DOCK1: variants seen among roughly 807,000 people sequenced by gnomAD.
DOCK1 encodes the protein dedicator of cytokinesis protein 1.
DOCK1 carries 138 observed loss-of-function variants against 262.7 expected under a neutral mutation model. The observed-to-expected ratio is 0.53, with a 90% CI of 0.46 to 0.61. The LOEUF (loss-of-function observed/expected upper bound fraction) is 0.61. Ranked by LOEUF, DOCK1 falls within the 20% of genes least tolerant of loss-of-function variation. The pLI, the probability that DOCK1 is intolerant of heterozygous loss-of-function variation, is 0.00. For missense variants in DOCK1, 1,908 were observed against 2,370.7 expected (o/e 0.80, Z 4.05); for synonymous variants, 866 against 867.4 (o/e 1.00, Z 0.03).
intron 13 of DOCK1, among the ~76,000 whole-genome samples, chr10:127,019,361 C>T (rs1318833985): frequency 3.9e-5 from 6 of 152,150 alleles, no homozygotes; most frequent in Non-Finnish European, 8.8e-5. Flanking sequence ...AAATAACGTT[C>T]CTAATAATCT....
At chr10:127,404,196 C>T (rs1188914823) in intron 39 of DOCK1, 129 bp from the exon 40 acceptor site, 1 of 652,808 alleles carries the variant, frequency 1.5e-6, no homozygotes, top group Non-Finnish European at 2.7e-6. Context: ...CCACCATCTC[C>T]CTCTCCCACC....
chr10:127,361,262 C>T (rs374457755), intron 32 of DOCK1, among the ~76,000 whole-genome samples: 30 of 151,808 alleles, frequency 2.0e-4, no homozygotes, highest in East Asian at 5.9e-4. Context: ...TACAGGCGCC[C>T]GCTACCACGC....
intron 27 of DOCK1, among the ~76,000 whole-genome samples, chr10:127,190,296 G>T (rs1362635562): frequency 6.6e-6 from 1 of 152,166 alleles, no homozygotes; most frequent in Non-Finnish European, 1.5e-5. Flanking sequence ...GTACTGTTCA[G>T]CCCTGGAAGC....
At chr10:127,031,778 T>G (rs1591745750) in intron 17 of DOCK1, 25 bp downstream of exon 17, 1 of 1,594,070 alleles carries the variant, frequency 6.3e-7, no homozygotes, top group East Asian at 2.2e-5. Context: ...TGGTGCAATA[T>G]TGCTGCTATA....
chr10:127,110,085 C>A (rs1042470281), intron 24 of DOCK1, among the ~76,000 whole-genome samples, 163 bp from the exon 25 acceptor site: 11 of 152,194 alleles, frequency 7.2e-5, no homozygotes, highest in Admixed American at 6.6e-4. Flanking sequence ...TTCAAAACAT[C>A]ATTTCTTGGA....
At chr10:127,045,872 C>T (rs2044316113) in intron 21 of DOCK1, among the ~76,000 whole-genome samples, 1 of 152,206 alleles carries the variant, frequency 6.6e-6, no homozygotes, top group Admixed American at 6.5e-5. Flanking sequence ...TGCTCCGCCC[C>T]CTCTAGCCAG....
rs2044828204 is a variant in DOCK1 at position 127,052,817 on chromosome 10, T to C, written c.2336+2T>C. ...GCGCTCCAGGATCCTGTTCAATCAG[T>C]GCGTACCTATCCCCTCCATGCCCGG... On this transcript the variant is annotated splice_donor_variant, in intron 22 of 51. Coordinates refer to ENST00000623213, the MANE Select transcript of DOCK1 (RefSeq NM_001290223.2). LOFTEE classifies it high-confidence loss of function. 4 of 1,609,478 alleles carry C rather than the reference T, an allele frequency of 2.5e-6. No homozygotes were observed. Among genetic ancestry groups the C allele is most frequent in the Non-Finnish European group, 2.5e-6 (3 of 1,177,558 alleles).
At position 127,032,222 on chromosome 10, in the gene DOCK1, C is replaced by A. The variant is rs756381755; in HGVS notation, c.1814C>A (p.Ala605Asp). The change falls in exon 18 of 52, where the codon GCC becomes GAC. Residue 605 changes from alanine to aspartate, a missense_variant. Around this residue, in one of 9 missense-constraint regions of DOCK1, gnomAD observed 294 missense variants for 439.9 expected, o/e 0.67. Transcript: ENST00000623213. ...KAELEEKGHSATGKSMQSLGS... is the reference protein window; with the variant it reads ...KAELEEKGHSDTGKSMQSLGS... ...GAGTTGGAAGAAAAGGGCCACTCGGCCACCGGCAAGAGCATGCAGAGCCTT... is the reference window on the plus strand; with the variant it reads ...GAGTTGGAAGAAAAGGGCCACTCGGACACCGGCAAGAGCATGCAGAGCCTT... 1 of 1,601,118 alleles carries A rather than the reference C, an allele frequency of 6.2e-7. No homozygotes were observed. Among genetic ancestry groups the A allele is most frequent in the Non-Finnish European group, 8.5e-7 (1 of 1,173,846 alleles).
chr10:127,258,774 C>T (rs575281751), intron 29 of DOCK1, among the ~76,000 whole-genome samples: 25 of 152,214 alleles, frequency 1.6e-4, no homozygotes, highest in Admixed American at 7.9e-4. Context: ...TCGGTTGCTC[C>T]GCATCCAGCC....
At chr10:127,351,543 CCCGGTGAGGATGG>C (rs539656281) in intron 31 of DOCK1, among the ~76,000 whole-genome samples, 2,361 of 152,208 alleles carry the variant, frequency 0.016, 22 homozygotes, top group African/African-American at 0.027. Context: ...TACTCTCCTT[CCCGGTGAGGATGG>C]CCATGTCATT....
chr10:127,378,450 G>C (rs1416655969), intron 35 of DOCK1, among the ~76,000 whole-genome samples: 1 of 152,152 alleles, frequency 6.6e-6, no homozygotes. Context: ...AGCCCAGGAG[G>C]AGTGGGAGCA....
intron 38 of DOCK1, chr10:127,402,617 T>C: frequency 2.0e-6 from 1 of 509,232 alleles, no homozygotes; most frequent in Non-Finnish European, 3.9e-6. Flanking sequence ...TAGCATTTTT[T>C]AGGTGGACAG....
At chr10:127,028,604 G>A (rs549547754) in intron 16 of DOCK1, among the ~76,000 whole-genome samples, 5 of 152,266 alleles carry the variant, frequency 3.3e-5, no homozygotes, top group Non-Finnish European at 5.9e-5. Context: ...GGGGAGTGGC[G>A]AGGCCACTTC....
At chr10:127,443,518 C>A (rs1257065427) in intron 49 of DOCK1, among the ~76,000 whole-genome samples, 1 of 152,250 alleles carries the variant, frequency 6.6e-6, no homozygotes, top group Non-Finnish European at 1.5e-5. Context: ...AAGTCTCCAC[C>A]TTTTCCCTGC....
At chr10:127,196,313 A>T (rs1420180424) in intron 27 of DOCK1, among the ~76,000 whole-genome samples, 1 of 148,268 alleles carries the variant, frequency 6.7e-6, no homozygotes, top group Non-Finnish European at 1.5e-5. Flanking sequence ...AGCTCCGGGG[A>T]CGCCCGCGCG....
At chr10:126,930,532 G>C (rs1337739996) in intron 1 of DOCK1, among the ~76,000 whole-genome samples, 1 of 152,114 alleles carries the variant, frequency 6.6e-6, no homozygotes, top group African/African-American at 2.4e-5. Context: ...CCTCTTGGCC[G>C]CTTTGCTGTT....
At chr10:127,029,232 G>A (rs1488630609) in intron 16 of DOCK1, among the ~76,000 whole-genome samples, 2 of 152,218 alleles carry the variant, frequency 1.3e-5, no homozygotes, top group Non-Finnish European at 2.9e-5. Flanking sequence ...GCCGATGAAA[G>A]CCTGGATGTC....
intron 29 of DOCK1, among the ~76,000 whole-genome samples, chr10:127,293,310 C>T (rs1438392904): frequency 1.3e-5 from 2 of 152,174 alleles, no homozygotes; most frequent in Non-Finnish European, 2.9e-5. Context: ...CAAAGGAGAC[C>T]TTAGCACAAG....
intron 27 of DOCK1, among the ~76,000 whole-genome samples, chr10:127,220,909 C>T (rs1028112707): frequency 3.9e-5 from 6 of 152,158 alleles, no homozygotes; most frequent in African/African-American, 9.7e-5. Context: ...CAGAGCTCTC[C>T]TCTCTCTATG....
Sources: allele counts gnomAD v4.1 joint callset (sites outside exome capture counted in the v4.1 genomes callset), GRCh38; gene constraint gnomAD v4.1.1; regional missense constraint gnomAD v4.1.1; transcripts MANE v1.5; gene names NCBI Gene and HGNC (gene_info 2026-07-23, HGNC 2026-07-21).